Variants in PAK5 observed in about 807,000 individuals in gnomAD.
PAK5 encodes serine/threonine-protein kinase PAK 5.
A neutral mutation model predicts 65.9 loss-of-function variants in PAK5; 16 were observed. The observed-to-expected ratio is 0.24, with a 90% confidence interval of 0.16 to 0.37. The LOEUF (loss-of-function observed/expected upper bound fraction) is 0.37, where lower values mean the gene tolerates loss of function less well. Ranked by LOEUF, PAK5 falls within the 10% of genes least tolerant of loss-of-function variation. The pLI, the probability that PAK5 is intolerant of heterozygous loss-of-function variation, is 1.00. For synonymous variants in PAK5, 371 were observed against 354.9 expected (o/e 1.05, Z -0.51); for missense variants, 785 against 903.9 (o/e 0.87, Z 1.69).
At chr20:9,716,158 T>A (rs868584688) in intron 1 of PAK5, among the ~76,000 whole-genome samples, 2,256 of 53,616 alleles carry the variant, frequency 0.042, 28 homozygotes, top group Middle Eastern at 0.17. Flanking sequence ...AAAAAAAAAT[T>A]AAAAAAAAAA....
chr20:9,598,284 T>A (rs533362074), intron 3 of PAK5, among the ~76,000 whole-genome samples: 2 of 152,358 alleles, frequency 1.3e-5, no homozygotes, highest in East Asian at 3.9e-4. Flanking sequence ...GCAAAGGACA[T>A]GATCTCATTC....
chr20:9,554,272 T>C (rs963941421), intron 7 of PAK5, among the ~76,000 whole-genome samples: 1 of 152,170 alleles, frequency 6.6e-6, no homozygotes, highest in African/African-American at 2.4e-5. Context: ...GTGAAAGTAA[T>C]GTTATTTGAT....
intron 3 of PAK5, among the ~76,000 whole-genome samples, chr20:9,632,127 G>C (rs2046929346): frequency 6.6e-6 from 1 of 152,182 alleles, no homozygotes; most frequent in East Asian, 1.9e-4. Flanking sequence ...GGTCACCACT[G>C]CTGGGAGAGA....
intron 1 of PAK5, among the ~76,000 whole-genome samples, chr20:9,748,995 C>T (rs932447853): frequency 2.6e-5 from 4 of 152,058 alleles, no homozygotes; most frequent in African/African-American, 9.7e-5. Flanking sequence ...CCTCTTCTGG[C>T]CTCCATTACC....
chr20:9,620,651 G>A (rs886415157), intron 3 of PAK5, among the ~76,000 whole-genome samples: 61 of 152,262 alleles, frequency 4.0e-4, no homozygotes, highest in Middle Eastern at 3.4e-3. Context: ...ACCCAAGACC[G>A]TGAACTATGG....
intron 1 of PAK5, among the ~76,000 whole-genome samples, chr20:9,808,616 C>T (rs1315820291): frequency 2.0e-5 from 3 of 152,062 alleles, no homozygotes; most frequent in Admixed American, 1.3e-4. Flanking sequence ...GTGAAAGAAG[C>T]GATCGCAAAG....
At chr20:9,794,062 C>T (rs534951964) in intron 1 of PAK5, among the ~76,000 whole-genome samples, 11 of 151,802 alleles carry the variant, frequency 7.2e-5, no homozygotes, top group South Asian at 4.2e-4. Context: ...TCATTCTCAG[C>T]GAACTAACAC....
Position 9,817,727 on chromosome 20 carries a change from T to C in PAK5, c.-162+21035A>G, listed in dbSNP as rs995060407. On this transcript the variant is annotated intron_variant, in intron 1 of 9. Coordinates refer to ENST00000353224, the MANE Select transcript of PAK5 (RefSeq NM_177990.4). ...AATAAATTTGACCAATTTTCACAACTAGTGGTCTGGACAGGGTCTACAATC... is the reference window on the plus strand; with the variant it reads ...AATAAATTTGACCAATTTTCACAACCAGTGGTCTGGACAGGGTCTACAATC... 3.9e-5 allele frequency among the ~76,000 whole-genome samples: 6 copies of C among 152,188 alleles called. No homozygotes were observed. In the South Asian group the frequency reaches 6.2e-4, roughly 16 times the overall value.
chr20:9,572,175 T>C (rs574223705), intron 4 of PAK5, among the ~76,000 whole-genome samples: 3 of 151,930 alleles, frequency 2.0e-5, no homozygotes, highest in Non-Finnish European at 4.4e-5. Context: ...ATGTACATCA[T>C]TCATCATTTT....
At chr20:9,830,405 A>C (rs1351540174) in intron 1 of PAK5, among the ~76,000 whole-genome samples, 2 of 152,226 alleles carry the variant, frequency 1.3e-5, no homozygotes, top group Non-Finnish European at 2.9e-5. Context: ...TCTAAGTATG[A>C]TCTTTTAATA....
chr20:9,645,468 A>C (rs1026046913), intron 2 of PAK5, among the ~76,000 whole-genome samples: 2 of 152,232 alleles, frequency 1.3e-5, no homozygotes, highest in Non-Finnish European at 2.9e-5. Flanking sequence ...CATTTTGGGA[A>C]TCCTTACAAC....
chr20:9,663,587 C>G (rs2047375029), intron 2 of PAK5, among the ~76,000 whole-genome samples: 1 of 152,104 alleles, frequency 6.6e-6, no homozygotes, highest in Non-Finnish European at 1.5e-5. Context: ...CTTATTGATC[C>G]TACTTTCAGT....
At chr20:9,797,235 T>A (rs1049762845) in intron 1 of PAK5, among the ~76,000 whole-genome samples, 1 of 151,914 alleles carries the variant, frequency 6.6e-6, no homozygotes, top group Non-Finnish European at 1.5e-5. Flanking sequence ...TTTGATGGGG[T>A]TGTTTGTTTT....
At chr20:9,734,479 G>A (rs1207536245) in intron 1 of PAK5, among the ~76,000 whole-genome samples, 2 of 151,888 alleles carry the variant, frequency 1.3e-5, no homozygotes, top group African/African-American at 4.8e-5. Context: ...AGAAACAAAA[G>A]AGAAATATGT....
intron 1 of PAK5, among the ~76,000 whole-genome samples, chr20:9,797,118 A>T (rs954026727): frequency 6.6e-6 from 1 of 150,944 alleles, no homozygotes; most frequent in African/African-American, 2.4e-5. Flanking sequence ...TGTGGTTTTG[A>T]TTTGCGTTTC....
At chr20:9,646,173 T>C (rs2047132026) in intron 2 of PAK5, among the ~76,000 whole-genome samples, 1 of 152,222 alleles carries the variant, frequency 6.6e-6, no homozygotes, top group South Asian at 2.1e-4. Flanking sequence ...CTTCCCTTCA[T>C]CCTCTGTTAA....
At chr20:9,617,701 G>A (rs1478754891) in intron 3 of PAK5, among the ~76,000 whole-genome samples, 1 of 151,560 alleles carries the variant, frequency 6.6e-6, no homozygotes, top group Non-Finnish European at 1.5e-5. Context: ...GACTACAGGC[G>A]CCCACCACCA....
At chr20:9,630,185 A>C (rs1318440083) in intron 3 of PAK5, among the ~76,000 whole-genome samples, 1 of 152,206 alleles carries the variant, frequency 6.6e-6, no homozygotes, top group East Asian at 1.9e-4. Flanking sequence ...ATGATGTAAA[A>C]AATTCCGATG....
At chr20:9,669,696 A>G (rs1414499713) in intron 2 of PAK5, among the ~76,000 whole-genome samples, 1 of 152,112 alleles carries the variant, frequency 6.6e-6, no homozygotes, top group Non-Finnish European at 1.5e-5. Flanking sequence ...ACCCTACGAG[A>G]AGAAACCCAG....
Sources: allele counts gnomAD v4.1 joint callset (sites outside exome capture counted in the v4.1 genomes callset), GRCh38; gene constraint gnomAD v4.1.1; transcripts MANE v1.5; gene names NCBI Gene and HGNC (gene_info 2026-07-23, HGNC 2026-07-21).